DKK3: variants seen among roughly 807,000 people sequenced by gnomAD.
DKK3 encodes dickkopf-related protein 3.
Under a neutral mutation model 33.2 loss-of-function variants are expected in DKK3, and 22 were observed. The observed-to-expected ratio is 0.66, with a 90% CI of 0.47 to 0.95. DKK3 has a LOEUF of 0.95. Ranked by LOEUF, DKK3 falls within the 40% of genes least tolerant of loss-of-function variation. The pLI, the probability that DKK3 is intolerant of heterozygous loss-of-function variation, is 0.00. For missense variants in DKK3, 398 were observed against 458.4 expected, an observed-to-expected ratio of 0.87 and a Z score of 1.20; for synonymous variants, 194 against 188.8, an observed-to-expected ratio of 1.03 and a Z score of -0.23.
At chr11:11,965,054 G>C (rs1564904667) in intron 6 of DKK3, among the ~76,000 whole-genome samples, 2 of 152,350 alleles carry the variant, frequency 1.3e-5, no homozygotes, top group East Asian at 3.9e-4. Context: ...CTGGGGTGTA[G>C]TCTAGCCACA....
chr11:11,988,545 G>A (rs1296972981), intron 3 of DKK3, among the ~76,000 whole-genome samples: 2 of 152,176 alleles, frequency 1.3e-5, no homozygotes, highest in Non-Finnish European at 2.9e-5. Context: ...CCACAGGTGG[G>A]AATTGATAAA....
intron 3 of DKK3, among the ~76,000 whole-genome samples, chr11:11,979,226 C>G (rs1017379705): frequency 1.3e-5 from 2 of 152,218 alleles, no homozygotes; most frequent in Non-Finnish European, 2.9e-5. Flanking sequence ...GAAATGGAGG[C>G]TGGGTGGGGA....
At chr11:11,986,025 A>G (rs547139320) in intron 3 of DKK3, among the ~76,000 whole-genome samples, 2 of 152,130 alleles carry the variant, frequency 1.3e-5, no homozygotes, top group Admixed American at 6.5e-5. Flanking sequence ...GCTACTAGGA[A>G]TCTCCTGCTC....
intron 3 of DKK3, among the ~76,000 whole-genome samples, chr11:11,982,512 C>T (rs1410878682): frequency 6.6e-6 from 1 of 152,212 alleles, no homozygotes; most frequent in Non-Finnish European, 1.5e-5. Context: ...CATGCTTCAT[C>T]CATATCCTGC....
rs1163764717 is a variant in DKK3, at chr11:11,965,827, A to C, written c.812T>G (p.Leu271Arg). 1 of 1,614,014 alleles carries C rather than the reference A, an allele frequency of 6.2e-7. No individual in the cohort carries two copies. The highest frequency in any genetic ancestry group is 1.1e-5 in the South Asian group (1 of 91,080). ...GCCTCACCTGTGGGGCTGGCAGAGG[A>C]GGCCACTGGCACAAGGGCATCGGTC... ...ALDRCPCASG[L>R]LCQPHSHSLV... Residue 271 changes from leucine to arginine, a missense_variant, in exon 6 of 7, where the codon CTC becomes CGC. Leu to Arg is a moderately radical substitution (Grantham distance 102, BLOSUM62 -2). Coordinates refer to ENST00000683431, the MANE Select transcript of DKK3 (RefSeq NM_001018057.2).
chr11:11,969,474 C>G (rs1166673448), intron 3 of DKK3, among the ~76,000 whole-genome samples: 1 of 152,200 alleles, frequency 6.6e-6, no homozygotes, highest in South Asian at 2.1e-4. Flanking sequence ...AGAGAGGTCC[C>G]TCCAAGATAA....
At chr11:11,979,117 C>G (rs1590517567) in intron 3 of DKK3, 1 of 152,428 alleles carries the variant, frequency 6.6e-6, no homozygotes, top group Non-Finnish European at 1.5e-5. Context: ...CAGCGAGAAC[C>G]TCAGACTCTC....
In DKK3 at chr11:11,991,089, C is replaced by T. The variant is rs535407409; in HGVS notation, c.435+7607G>A. On this transcript the variant is annotated intron_variant, in intron 3 of 6. Coordinates refer to ENST00000683431, the MANE Select transcript of DKK3 (RefSeq NM_001018057.2). ...ACACTGCCCCATGGAGGGGTCCAGACGGATGCTGCACATGCATTGGGTTTA... is the reference window on the plus strand; with the variant it reads ...ACACTGCCCCATGGAGGGGTCCAGATGGATGCTGCACATGCATTGGGTTTA... Among the ~76,000 whole-genome samples, 8 of 152,304 alleles carry T rather than the reference C, an allele frequency of 5.3e-5. No individual in the cohort carries two copies. In the South Asian group the frequency reaches 1.0e-3, roughly 20 times the overall value.
intron 3 of DKK3, among the ~76,000 whole-genome samples, chr11:11,972,279 G>T (rs1165206605): frequency 6.6e-6 from 1 of 152,176 alleles, no homozygotes; most frequent in Non-Finnish European, 1.5e-5. Flanking sequence ...GCCTGATCCC[G>T]CTATGGTGCA....
At chr11:11,996,699 A>AG (rs941554166) in intron 3 of DKK3, among the ~76,000 whole-genome samples, 2 of 152,196 alleles carry the variant, frequency 1.3e-5, no homozygotes, top group Non-Finnish European at 2.9e-5. Context: ...CATCAAGACA[A>AG]CCTTGGCAAG....
At chr11:11,982,182 G>A (rs1847968868) in intron 3 of DKK3, among the ~76,000 whole-genome samples, 1 of 152,106 alleles carries the variant, frequency 6.6e-6, no homozygotes, top group Non-Finnish European at 1.5e-5. Flanking sequence ...TCGGAGTCAC[G>A]GGGGCTCCCT....
intron 3 of DKK3, among the ~76,000 whole-genome samples, chr11:11,975,785 C>A (rs1297316444): frequency 6.6e-6 from 1 of 152,284 alleles, no homozygotes; most frequent in South Asian, 2.1e-4. Flanking sequence ...CAGGCTCTGT[C>A]GCTGCACTTG....
rs1238091276 is a variant in DKK3 at position 11,998,677 on chromosome 11, A to G, written c.435+19T>C. Reference sequence around the variant, plus strand: ...AGTGAGTGTGTCGGGGTGCAAGTACAGGGGAAATGACAACTTACGTGGCTC... The same window carrying G: ...AGTGAGTGTGTCGGGGTGCAAGTACGGGGGAAATGACAACTTACGTGGCTC... On this transcript the variant is annotated intron_variant, in intron 3 of 6. Transcript: ENST00000683431. 6.2e-7 allele frequency: 1 copy of G among 1,607,200 alleles called. No homozygotes were observed. Among genetic ancestry groups the G allele is most frequent in the Non-Finnish European group, 8.5e-7 (1 of 1,173,752 alleles).
At chr11:11,981,151 C>A (rs371771921) in intron 3 of DKK3, among the ~76,000 whole-genome samples, 4 of 152,180 alleles carry the variant, frequency 2.6e-5, no homozygotes, top group African/African-American at 7.2e-5. Flanking sequence ...GGAAGTAATG[C>A]TGCATAACTT....
chr11:11,975,423 G>A (rs1355154361), intron 3 of DKK3, among the ~76,000 whole-genome samples: 1 of 152,214 alleles, frequency 6.6e-6, no homozygotes, highest in Non-Finnish European at 1.5e-5. Context: ...GGTTTGGGTG[G>A]GGCATGTTAT....
upstream of DKK3, chr11:12,009,329 C>T: frequency 4.1e-6 from 4 of 980,340 alleles, no homozygotes; most frequent in South Asian, 1.9e-4. Context: ...CGAGGGAGCC[C>T]GCAAGACGCG....
At position 12,008,076 on chromosome 11, in the gene DKK3, G is replaced by A. The variant is rs571165107; in HGVS notation, c.213+294C>T. Among the ~76,000 whole-genome samples the A allele has an allele frequency of 3.9e-5, 6 of 152,202 alleles. No individual in the cohort carries two copies. The East Asian group carries it at 9.7e-4, about 25-fold the overall frequency. ...TCTGCTGACAATAGGGAAGGCCAAC[G>A]GCATGCCTGACGCCAACTGCAGGCA... On this transcript the variant is annotated intron_variant, in intron 1 of 6. Coordinates refer to ENST00000683431, the MANE Select transcript of DKK3 (RefSeq NM_001018057.2). This position sits in a 1 kb window ranked among gnomAD's most constrained non-coding sequence, Gnocchi z 4.6.
At chr11:11,984,317 C>T (rs1182737978) in intron 3 of DKK3, among the ~76,000 whole-genome samples, 1 of 152,116 alleles carries the variant, frequency 6.6e-6, no homozygotes, top group Non-Finnish European at 1.5e-5. Flanking sequence ...CAAGACCTAT[C>T]GGCAACTCTG....
At chr11:11,972,151 A>G (rs539009151) in intron 3 of DKK3, among the ~76,000 whole-genome samples, 10 of 152,314 alleles carry the variant, frequency 6.6e-5, no homozygotes, top group African/African-American at 1.9e-4. Context: ...CTCTACCTCT[A>G]TTAAAAACAA....
Sources: gnomAD v4.1 joint callset for allele counts (sites outside exome capture counted in the v4.1 genomes callset) on GRCh38, gnomAD v4.1.1 for gene constraint, Gnocchi (gnomAD v3.1) non-coding constraint, MANE v1.5 for transcripts, NCBI Gene and HGNC (gene_info 2026-07-23, HGNC 2026-07-21) for gene names.